The following CTBS variants were observed in gnomAD, a reference collection of about 807,000 sequenced individuals.
The protein encoded by CTBS is di-N-acetylchitobiase.
A neutral mutation model predicts 44.3 loss-of-function variants in CTBS; 35 were observed. The ratio of observed to expected loss-of-function variants is 0.79; its 90% CI spans 0.60 to 1.05. The LOEUF (loss-of-function observed/expected upper bound fraction) is 1.05. Among genes scored for constraint, CTBS ranks in the 50% least tolerant of loss-of-function variants. CTBS has a pLI of 0.00. For synonymous variants in CTBS, 143 were observed against 168.0 expected, an observed-to-expected ratio of 0.85 and a Z score of 1.15; for missense variants, 458 against 475.3, an observed-to-expected ratio of 0.96 and a Z score of 0.34.
In CTBS at chr1:84,565,998, T is replaced by G. The variant is rs747323985; in HGVS notation, c.540A>C (p.Val180=). The change falls in exon 4 of 7, where the codon GTA becomes GTC. Residue 180 remains valine (V), a synonymous_variant. Coordinates refer to ENST00000370630, the MANE Select transcript of CTBS (RefSeq NM_004388.3). ...EIEGSQVTFD[V]AWSPKNIDRR... is the part of the protein sequence containing the mutation. Reference sequence around the variant, plus strand: ...TGTCTATGTTCTTTGGAGACCAAGCTACATCAAAGGTTACCTGTGGAAAAA... The same window carrying G: ...TGTCTATGTTCTTTGGAGACCAAGCGACATCAAAGGTTACCTGTGGAAAAA... The G allele has an allele frequency of 8.4e-6, 13 of 1,552,152 alleles. No homozygotes were observed. The highest frequency in any genetic ancestry group is 1.1e-5 in the Non-Finnish European group (13 of 1,149,910).
At position 84,553,847 on chromosome 1, in the gene CTBS, T is replaced by G. The variant is rs1349638272; in HGVS notation, c.*1152A>C. The G allele has an allele frequency of 6.6e-6, 1 of 152,200 alleles. No homozygotes were observed. Among genetic ancestry groups the G allele is most frequent in the Non-Finnish European group, 1.5e-5 (1 of 68,034 alleles). 9.4% of individuals were successfully genotyped at this position (152,200 alleles called of 1,614,324 possible). A position where few individuals can be genotyped will look rare whatever the true frequency, so the allele number is the denominator to read the frequency against. On this transcript the variant is annotated 3_prime_UTR_variant, in exon 7 of 7. Transcript: ENST00000370630. ...AAAGATACAGATTTTTAATCTGTAA[T>G]TAGGAACTAATAAGGGCAGCACAAT...
Position 84,552,879 on chromosome 1 carries a change from C to A in CTBS, c.*2120G>T. On this transcript the variant is annotated 3_prime_UTR_variant, in exon 7 of 7. Coordinates refer to ENST00000370630, the MANE Select transcript of CTBS (RefSeq NM_004388.3). ...TATTAAACAGCATTCATAATCTACA[C>A]ATTTACTGTAGTAATCCAGTGGGAG... 1 of 572,744 alleles carries A rather than the reference C, an allele frequency of 1.7e-6. No homozygotes were observed. The highest frequency in any genetic ancestry group is 2.2e-5 in the South Asian group (1 of 46,196). 35.5% of individuals were successfully genotyped at this position (572,744 alleles called of 1,614,324 possible).
At chr1:84,572,935 TCACAAA>T (rs761717742) in intron 1 of CTBS, among the ~76,000 whole-genome samples, 5 of 152,158 alleles carry the variant, frequency 3.3e-5, no homozygotes, top group Non-Finnish European at 7.3e-5. Flanking sequence ...CACCTTGGCC[TCACAAA>T]GTGCTTCTCA....
At chr1:84,556,563 T>A (rs1318610252) in intron 6 of CTBS, among the ~76,000 whole-genome samples, 2 of 151,646 alleles carry the variant, frequency 1.3e-5, no homozygotes, top group African/African-American at 2.4e-5. Context: ...TACAAAAAAA[T>A]TAGCTGGGCT....
rs773539511 is a variant in CTBS at position 84,560,533 on chromosome 1, C to T, written c.957+2724G>A. On this transcript the variant is annotated intron_variant, in intron 6 of 6. Transcript: ENST00000370630. ...GTTTTCATTCTGAAACCTCCCATGT[C>T]GGGTAAAATTATGATCAAACACATT... Among the ~76,000 whole-genome samples the T allele has an allele frequency of 1.1e-3, 161 of 152,110 alleles. 1 individual carries two copies. Among genetic ancestry groups the T allele is most frequent in the Non-Finnish European group, 2.6e-4 (18 of 68,020 alleles).
At chr1:84,569,857 A>T in intron 3 of CTBS, 74 bp downstream of exon 3, 1 of 1,239,236 alleles carries the variant, frequency 8.1e-7, no homozygotes, top group Non-Finnish European at 1.1e-6. Context: ...AACAAAGATT[A>T]TATTAGTTAT....
chr1:84,568,830 G>T (rs1270152615), intron 3 of CTBS, among the ~76,000 whole-genome samples: 1 of 152,070 alleles, frequency 6.6e-6, no homozygotes, highest in Admixed American at 6.5e-5. Flanking sequence ...CTGGCTGTTT[G>T]AAGTGCTGAT....
At chr1:84,558,391 G>A (rs992099303) in intron 6 of CTBS, among the ~76,000 whole-genome samples, 2 of 150,128 alleles carry the variant, frequency 1.3e-5, no homozygotes, top group African/African-American at 2.4e-5. Context: ...CCGGGTTCAC[G>A]CCATTCTCCT....
At chr1:84,555,293 A>G in intron 6 of CTBS, 94 bp from the exon 7 acceptor site, 1 of 968,398 alleles carries the variant, frequency 1.0e-6, no homozygotes, top group South Asian at 2.2e-5. Flanking sequence ...CAGTACAGTA[A>G]GAGGGAAAAA....
rs536205798 is a variant in CTBS at position 84,565,784 on chromosome 1, T to C, written c.697+57A>G. Reference sequence around the variant, plus strand: ...AGAAATACTAAAAACATCTTAATATTTTAATTTATAGAATATTATTAATAT... The same window carrying C: ...AGAAATACTAAAAACATCTTAATATCTTAATTTATAGAATATTATTAATAT... On this transcript the variant is annotated intron_variant, in intron 4 of 6. Coordinates refer to ENST00000370630, the MANE Select transcript of CTBS (RefSeq NM_004388.3). 3.6e-5 allele frequency: 35 copies of C among 984,470 alleles called. No individual in the cohort carries two copies. In the South Asian group the frequency reaches 1.1e-3, roughly 31 times the overall value. The allele number at this position is 984,470 out of a possible 1,614,324, so 61.0% of individuals were successfully genotyped here. A position where few individuals can be genotyped will look rare whatever the true frequency, so the allele number is the denominator to read the frequency against.
intron 1 of CTBS, among the ~76,000 whole-genome samples, chr1:84,571,019 G>C (rs1363034575): frequency 6.6e-6 from 1 of 152,130 alleles, no homozygotes; most frequent in African/African-American, 2.4e-5. Context: ...TGGGGAGAGA[G>C]CATTAGTGAA....
At chr1:84,555,466 G>C (rs1684400732) in intron 6 of CTBS, among the ~76,000 whole-genome samples, 1 of 152,168 alleles carries the variant, frequency 6.6e-6, no homozygotes, top group African/African-American at 2.4e-5. Context: ...GGATTTATCA[G>C]GGTATTTCGT....
chr1:84,553,030 T>C lies in CTBS; in HGVS notation c.*1969A>G, dbSNP rs547767289. 51 of 1,508,084 alleles carry C rather than the reference T, an allele frequency of 3.4e-5. No individual in the cohort carries two copies. The East Asian group carries it at 1.2e-3, about 36-fold the overall frequency. The allele number at this position is 1,508,084 out of a possible 1,614,324, so 93.4% of individuals were successfully genotyped here. A position where few individuals can be genotyped will look rare whatever the true frequency, so the allele number is the denominator to read the frequency against. On this transcript the variant is annotated 3_prime_UTR_variant, in exon 7 of 7. Transcript: ENST00000370630. ...TTCATTTTTGAAAAGTAATTCTTTT[T>C]ATAGATGAGAAAACAAGCAGTTTCA... is the stretch of plus-strand genomic sequence containing the variant.
Position 84,574,288 on chromosome 1 carries a change from C to G in CTBS, c.128G>C (p.Cys43Ser), listed in dbSNP as rs1375789805. The G allele has an allele frequency of 6.3e-7, 1 of 1,582,916 alleles. No individual in the cohort carries two copies. The highest frequency in any genetic ancestry group is 1.8e-5 in the Admixed American group (1 of 55,140). Residue 43 changes from cysteine to serine, a missense_variant, in exon 1 of 7, where the codon TGC becomes TCC. Transcript: ENST00000370630. ...CGGGCGGCAGAGCTCAGGCTCCGGG[C>G]ATGGGCAGTCGGTCCCGGCCGCGAG... is the stretch of plus-strand genomic sequence containing the variant. ...LRLAAGTDCP[C>S]PEPELCRPIR...
intron 1 of CTBS, chr1:84,573,934 C>A: frequency 7.8e-7 from 1 of 1,288,058 alleles, no homozygotes. Context: ...CTTTTTACAC[C>A]CAGAGTGCTT....
At chr1:84,572,459 A>C (rs1647339301) in intron 1 of CTBS, among the ~76,000 whole-genome samples, 1 of 151,536 alleles carries the variant, frequency 6.6e-6, no homozygotes, top group Non-Finnish European at 1.5e-5. Context: ...AAGCTGGGTG[A>C]ACTAATTGAA....
chr1:84,555,118 G>T lies in CTBS; in HGVS notation c.1039C>A (p.Arg347Ser). 6.2e-7 allele frequency: 1 copy of T among 1,613,820 alleles called. No individual in the cohort carries two copies. Among genetic ancestry groups the T allele is most frequent in the Non-Finnish European group, 8.5e-7 (1 of 1,179,856 alleles). Reference sequence around the variant, plus strand: ...TTCCACATGCCAATGCCCCGTAAGCGATAGTTTTGTATATATGTTGCCTTT... The same window carrying T: ...TTCCACATGCCAATGCCCCGTAAGCTATAGTTTTGTATATATGTTGCCTTT... ...SLKATYIQNY[R>S]LRGIGMWNAN... Residue 347 changes from arginine to serine, a missense_variant, in exon 7 of 7, where the codon CGC (arginine) becomes AGC (serine). Coordinates refer to ENST00000370630, the MANE Select transcript of CTBS (RefSeq NM_004388.3).
rs374699739 is a variant in CTBS at position 84,570,615 on chromosome 1, C to T, written c.283G>A (p.Ala95Thr). 3.7e-6 allele frequency: 6 copies of T among 1,613,642 alleles called. No individual in the cohort carries two copies. Among genetic ancestry groups the T allele is most frequent in the Middle Eastern group, 1.7e-4 (1 of 6,060 alleles). The change falls in exon 2 of 7, where the codon GCT (alanine) becomes ACT (threonine). Residue 95 changes from alanine to threonine, a missense_variant. Coordinates refer to ENST00000370630, the MANE Select transcript of CTBS (RefSeq NM_004388.3). ...GKYDSELMCYAHSKGARVVLK... is the reference protein window; with the variant it reads ...GKYDSELMCYTHSKGARVVLK... The stretch of plus-strand genomic sequence containing the variant: ...ACTACTCTGGCTCCTTTTGAATGAG[C>T]GTAGCACATAAGTTCTGAGTCATAT...
Position 84,553,019 on chromosome 1 carries a change from G to C in CTBS, c.*1980C>G. Reference sequence around the variant, plus strand: ...GTATGATGAAGTTCATTTTTGAAAAGTAATTCTTTTTATAGATGAGAAAAC... The same window carrying C: ...GTATGATGAAGTTCATTTTTGAAAACTAATTCTTTTTATAGATGAGAAAAC... On this transcript the variant is annotated 3_prime_UTR_variant, in exon 7 of 7. Coordinates refer to ENST00000370630, the MANE Select transcript of CTBS (RefSeq NM_004388.3). 6.8e-7 allele frequency: 1 copy of C among 1,478,654 alleles called. No individual in the cohort carries two copies. The allele number at this position is 1,478,654 out of a possible 1,614,324, so 91.6% of individuals were successfully genotyped here. A position where few individuals can be genotyped will look rare whatever the true frequency, so the allele number is the denominator to read the frequency against.
Sources: gnomAD v4.1 joint callset for allele counts (sites outside exome capture counted in the v4.1 genomes callset) on GRCh38, gnomAD v4.1.1 for gene constraint, MANE v1.5 for transcripts, NCBI Gene and HGNC (gene_info 2026-07-23, HGNC 2026-07-21) for gene names.